CSMD3: variants seen among roughly 807,000 people sequenced by gnomAD.
CSMD3 encodes CUB and sushi domain-containing protein 3.
In CSMD3, 177 loss-of-function variants were observed where a neutral mutation model predicts 435.2. That is an observed-to-expected ratio of 0.41 (90% CI 0.36 to 0.46). The LOEUF (loss-of-function observed/expected upper bound fraction) is 0.46. Ranked by LOEUF, CSMD3 falls within the 20% of genes least tolerant of loss-of-function variation. CSMD3 has a pLI of 0.34. For synonymous variants in CSMD3, 1,656 were observed against 1,520.5 expected, an observed-to-expected ratio of 1.09 and a Z score of -2.07; for missense variants, 4,265 against 4,504.6, an observed-to-expected ratio of 0.95 and a Z score of 1.52.
chr8:112,705,956 C>T (rs2076490488), intron 13 of CSMD3, among the ~76,000 whole-genome samples: 1 of 151,974 alleles, frequency 6.6e-6, no homozygotes, highest in Non-Finnish European at 1.5e-5. Context: ...AAAAACTTAG[C>T]CCATTGTTTA....
At chr8:112,899,597 T>TTTTA (rs1436941708) in intron 10 of CSMD3, among the ~76,000 whole-genome samples, 1 of 58,942 alleles carries the variant, frequency 1.7e-5, no homozygotes, top group African/African-American at 8.2e-5. Flanking sequence ...TGCTTGTCTA[T>TTTTA]TTTATATATA....
Position 112,752,514 on chromosome 8 carries a change from G to T in CSMD3, c.1972+47648C>A, listed in dbSNP as rs189749776. Among the ~76,000 whole-genome samples, 181 of 152,248 alleles carry T rather than the reference G, an allele frequency of 1.2e-3. 1 individual carries two copies. Among genetic ancestry groups the T allele is most frequent in the African/African-American group, 4.2e-3 (174 of 41,560 alleles). On this transcript the variant is annotated intron_variant, in intron 13 of 70. Coordinates refer to ENST00000297405, the MANE Select transcript of CSMD3 (RefSeq NM_198123.2). ...ATAGAAAATCTGGATGTGAATCAGG[G>T]ACTAAGGGAGGAGAAAAGGGTAGAG...
chr8:112,968,465 GA>G (rs763763379), intron 7 of CSMD3, among the ~76,000 whole-genome samples: 71 of 142,572 alleles, frequency 5.0e-4, no homozygotes, highest in East Asian at 8.1e-4. Context: ...ATCTATATTT[GA>G]AAAAAAAAAA....
rs1375084816 is a variant in CSMD3 at position 112,751,628 on chromosome 8, G to GGT, written c.1972+48533_1972+48534insAC. Among the ~76,000 whole-genome samples, 74 of 133,670 alleles carry GGT rather than the reference G, an allele frequency of 5.5e-4. 1 individual carries two copies. Among genetic ancestry groups the GGT allele is most frequent in the African/African-American group, 1.4e-3 (51 of 37,518 alleles). 87.7% of individuals were successfully genotyped at this position (133,670 alleles called of 152,430 possible). ...ACTTTTTTCAAAATAAGAAGTTTAG[G>GGT]TTTTTTTTTTTTTTTATATATTTTA... On this transcript the variant is annotated intron_variant, in intron 13 of 70. Transcript: ENST00000297405.
At position 112,911,920 on chromosome 8, in the gene CSMD3, C is replaced by T. The variant is rs1373958675; in HGVS notation, c.1633+9707G>A. On this transcript the variant is annotated intron_variant, in intron 10 of 70. Transcript: ENST00000297405. ...AATAACCAAATATATCTTTATGAGG[C>T]ATGAATTTTTTCAAGTTTGTCAAAG... Among the ~76,000 whole-genome samples, 14 of 130,274 alleles carry T rather than the reference C, an allele frequency of 1.1e-4. No homozygotes were observed. The Admixed American group carries it at 1.2e-3, about 11-fold the overall frequency. The allele number at this position is 130,274 out of a possible 152,430, so 85.5% of individuals were successfully genotyped here. A position where few individuals can be genotyped will look rare whatever the true frequency, so the allele number is the denominator to read the frequency against.
At chr8:112,311,314 T>A (rs1821959856) in intron 49 of CSMD3, 148 bp from the exon 50 acceptor site, 1 of 679,458 alleles carries the variant, frequency 1.5e-6, no homozygotes, top group East Asian at 2.7e-5. Flanking sequence ...CATATTGTGC[T>A]CTTTCCTCTT....
chr8:112,404,557 CA>C (rs201580045), intron 35 of CSMD3, among the ~76,000 whole-genome samples: 3,089 of 151,870 alleles, frequency 0.02, 101 homozygotes, highest in African/African-American at 0.07. Flanking sequence ...CCTGTGAATG[CA>C]TATCAACAGA....
At chr8:112,597,640 C>G (rs1356201338) in intron 22 of CSMD3, among the ~76,000 whole-genome samples, 2 of 120,360 alleles carry the variant, frequency 1.7e-5, no homozygotes, top group Admixed American at 1.7e-4. Context: ...CAAACCGAAT[C>G]CAGTAGCACA....
intron 22 of CSMD3, among the ~76,000 whole-genome samples, chr8:112,617,419 T>C (rs1833744717): frequency 6.6e-6 from 1 of 152,172 alleles, no homozygotes; most frequent in African/African-American, 2.4e-5. Context: ...AGTAAAATCT[T>C]TGTAATTTGG....
intron 1 of CSMD3, among the ~76,000 whole-genome samples, chr8:113,394,146 T>G (rs1305373533): frequency 7.6e-6 from 1 of 131,820 alleles, no homozygotes; most frequent in East Asian, 2.4e-4. Context: ...AAAACTCTAA[T>G]AATTTGTTGA....
intron 3 of CSMD3, among the ~76,000 whole-genome samples, chr8:113,259,661 A>G (rs1453192194): frequency 6.6e-6 from 1 of 152,152 alleles, no homozygotes; most frequent in East Asian, 1.9e-4. Flanking sequence ...GAATTTAAAG[A>G]ATAAAGATAT....
chr8:113,371,019 C>T (rs1424623773), intron 1 of CSMD3, among the ~76,000 whole-genome samples: 2 of 151,968 alleles, frequency 1.3e-5, no homozygotes, highest in African/African-American at 4.8e-5. Flanking sequence ...GTCTTACCTT[C>T]GTTATAGGTA....
At chr8:112,690,532 C>T (rs2076109254) in intron 13 of CSMD3, among the ~76,000 whole-genome samples, 1 of 151,612 alleles carries the variant, frequency 6.6e-6, no homozygotes, top group Non-Finnish European at 1.5e-5. Context: ...ATACCTCTCA[C>T]CTAAGATCTC....
chr8:112,395,101 G>A (rs748344074), intron 35 of CSMD3, among the ~76,000 whole-genome samples: 3 of 152,046 alleles, frequency 2.0e-5, no homozygotes, highest in South Asian at 2.1e-4. Context: ...TAGCAGATAC[G>A]CAATACCACA....
At chr8:112,494,006 T>C (rs1820964053) in intron 30 of CSMD3, among the ~76,000 whole-genome samples, 1 of 152,124 alleles carries the variant, frequency 6.6e-6, no homozygotes, top group African/African-American at 2.4e-5. Context: ...CAACGATATC[T>C]TGGTGTTTGG....
intron 1 of CSMD3, among the ~76,000 whole-genome samples, chr8:113,430,768 C>T (rs2094667413): frequency 6.6e-6 from 1 of 152,074 alleles, no homozygotes; most frequent in Admixed American, 6.5e-5. Flanking sequence ...TATTTTCCGT[C>T]CAAGCACAGG....
intron 2 of CSMD3, among the ~76,000 whole-genome samples, chr8:113,303,032 G>C (rs11991298): frequency 0.89 from 55,972 of 63,006 alleles, 25,274 homozygotes; most frequent in East Asian, 1. Context: ...AGCCCAAAAT[G>C]TCCTTAAGCT....
chr8:112,722,777 G>A (rs1296221797), intron 13 of CSMD3, among the ~76,000 whole-genome samples: 1 of 152,092 alleles, frequency 6.6e-6, no homozygotes, highest in Non-Finnish European at 1.5e-5. Flanking sequence ...ATTAATTCAC[G>A]AGCTACAGAA....
intron 5 of CSMD3, among the ~76,000 whole-genome samples, chr8:113,081,894 TCCCCAGATCCTGAGAGCCACGTA>T (rs2089580040): frequency 3.3e-5 from 5 of 151,808 alleles, no homozygotes; most frequent in Non-Finnish European, 7.4e-5. Context: ...AAGCAAAAAC[TCCCCAGATCCTGAGAGCCACGTA>T]CCCGGACCTG....
Sources: gnomAD v4.1 joint callset for allele counts (sites outside exome capture counted in the v4.1 genomes callset) on GRCh38, gnomAD v4.1.1 for gene constraint, MANE v1.5 for transcripts, NCBI Gene and HGNC (gene_info 2026-07-23, HGNC 2026-07-21) for gene names.